Variants in ADGRL2 observed in about 807,000 individuals in gnomAD.
ADGRL2 encodes adhesion G protein-coupled receptor L2.
ADGRL2 carries 44 observed loss-of-function variants against 157.4 expected under a neutral mutation model. The ratio of observed to expected loss-of-function variants is 0.28; its 90% CI spans 0.22 to 0.36. The LOEUF (loss-of-function observed/expected upper bound fraction) is 0.36. Ranked by LOEUF, ADGRL2 falls within the 10% of genes least tolerant of loss-of-function variation. The pLI is 1.00. For synonymous variants in ADGRL2, 585 were observed against 624.7 expected (o/e 0.94, Z 0.95); for missense variants, 1,510 against 1,768.9 (o/e 0.85, Z 2.63).
At chr1:81,388,237 G>C (rs2076472554) in intron 1 of ADGRL2, among the ~76,000 whole-genome samples, 1 of 152,124 alleles carries the variant, frequency 6.6e-6, no homozygotes, top group Admixed American at 6.6e-5. Context: ...ATAGTGCTTT[G>C]TGTGTGTTTT....
At chr1:81,973,824 A>G (rs1659438679) in intron 17 of ADGRL2, among the ~76,000 whole-genome samples, 1 of 152,160 alleles carries the variant, frequency 6.6e-6, no homozygotes. Context: ...TTTGCTTTCT[A>G]ATTTTCCCAA....
chr1:81,894,675 A>G (rs2094342717), intron 2 of ADGRL2, among the ~76,000 whole-genome samples: 1 of 152,118 alleles, frequency 6.6e-6, no homozygotes, highest in African/African-American at 2.4e-5. Flanking sequence ...TTAAAAAAAA[A>G]CTTTGATTGT....
intron 1 of ADGRL2, chr1:81,722,838 T>TC: frequency 8.5e-6 from 6 of 706,860 alleles, no homozygotes; most frequent in Non-Finnish European, 1.5e-5. Context: ...CAGGTGGCTT[T>TC]CCTGGGGGAA....
chr1:81,941,620 G>A (rs1424211396), intron 4 of ADGRL2, among the ~76,000 whole-genome samples: 2 of 151,716 alleles, frequency 1.3e-5, no homozygotes, highest in East Asian at 3.9e-4. Flanking sequence ...TAAGATAAAT[G>A]GGGATGATAT....
chr1:81,874,649 C>T (rs1009390467), intron 2 of ADGRL2, among the ~76,000 whole-genome samples: 2 of 151,424 alleles, frequency 1.3e-5, no homozygotes, highest in Non-Finnish European at 1.5e-5. Context: ...CCTGTCCTGT[C>T]CTGTCCTGTC....
intron 1 of ADGRL2, chr1:81,426,661 C>T (rs1168273028): frequency 8.6e-6 from 4 of 466,364 alleles, no homozygotes; most frequent in Non-Finnish European, 1.7e-5. Context: ...TAATGAGACA[C>T]CCCCAAAGAA....
At chr1:81,333,905 G>A (rs1243092379) in intron 1 of ADGRL2, among the ~76,000 whole-genome samples, 2 of 152,176 alleles carry the variant, frequency 1.3e-5, no homozygotes, top group Admixed American at 6.5e-5. Context: ...ATTGACAAGA[G>A]TATGGTCCCT....
At chr1:81,855,552 T>C (rs1423345558) in intron 2 of ADGRL2, among the ~76,000 whole-genome samples, 1 of 138,772 alleles carries the variant, frequency 7.2e-6, no homozygotes, top group Non-Finnish European at 1.5e-5. Flanking sequence ...CTTTTTCTTT[T>C]TCTTTTTTTT....
At chr1:81,334,064 A>C (rs1661459985) in intron 1 of ADGRL2, among the ~76,000 whole-genome samples, 1 of 152,208 alleles carries the variant, frequency 6.6e-6, no homozygotes. Context: ...AAAACAAATA[A>C]TCCAGTTTAT....
intron 2 of ADGRL2, among the ~76,000 whole-genome samples, chr1:81,874,461 A>G (rs1402271998): frequency 6.6e-6 from 1 of 152,186 alleles, no homozygotes; most frequent in East Asian, 1.9e-4. Flanking sequence ...TTTCCTCTTA[A>G]TGAAATTAGT....
intron 2 of ADGRL2, among the ~76,000 whole-genome samples, chr1:81,461,484 A>G (rs1363620089): frequency 1.3e-5 from 2 of 152,140 alleles, no homozygotes; most frequent in African/African-American, 2.4e-5. Flanking sequence ...AGTTACCTTC[A>G]ATGATTCTAA....
intron 1 of ADGRL2, among the ~76,000 whole-genome samples, chr1:81,367,144 C>G (rs2100957876): frequency 6.6e-6 from 1 of 152,278 alleles, no homozygotes; most frequent in East Asian, 1.9e-4. Context: ...ATATCTTGGT[C>G]AGTGTCACCA....
chr1:81,943,274 A>T lies in ADGRL2; in HGVS notation c.715A>T (p.Arg239Trp). ...GAGGAATATTGTGAAATTTGACTTG[A>T]GGACTAGAATTAAGAGTGGCGAGGC... ...RTRNIVKFDL[R>W]TRIKSGEAII... Residue 239 changes from arginine (R) to tryptophan (W), a missense_variant, in exon 6 of 24, where the codon AGG becomes TGG. Coordinates refer to ENST00000686636, the MANE Select transcript of ADGRL2 (RefSeq NM_001366006.2). This position sits in a 1 kb window ranked among gnomAD's most constrained non-coding sequence, Gnocchi z 5.6. The T allele has an allele frequency of 1.2e-6, 2 of 1,613,642 alleles. No homozygotes were observed. The highest frequency in any genetic ancestry group is 1.7e-6 in the Non-Finnish European group (2 of 1,179,708).
At chr1:81,489,697 T>C (rs2078588475) in intron 2 of ADGRL2, among the ~76,000 whole-genome samples, 1 of 152,128 alleles carries the variant, frequency 6.6e-6, no homozygotes, top group Non-Finnish European at 1.5e-5. Context: ...AGACAGAGAA[T>C]CTTGTAAGCT....
At chr1:81,515,678 A>T (rs2079162751) in intron 2 of ADGRL2, among the ~76,000 whole-genome samples, 1 of 152,180 alleles carries the variant, frequency 6.6e-6, no homozygotes, top group East Asian at 1.9e-4. Context: ...TAACTAAAAG[A>T]AGAAAATATT....
At chr1:81,521,473 A>C (rs1010764000) in intron 2 of ADGRL2, among the ~76,000 whole-genome samples, 8 of 152,140 alleles carry the variant, frequency 5.3e-5, no homozygotes, top group African/African-American at 1.9e-4. Flanking sequence ...ACTTTTCTCT[A>C]TTCTTAAGGC....
intron 2 of ADGRL2, among the ~76,000 whole-genome samples, chr1:81,478,627 T>C (rs527419673): frequency 3.9e-5 from 6 of 152,314 alleles, no homozygotes; most frequent in African/African-American, 1.4e-4. Context: ...CAAGGCTCCT[T>C]CTGGTTTGAT....
At chr1:81,306,632 C>T (rs1162263142) in intron 1 of ADGRL2, 1 of 152,098 alleles carries the variant, frequency 6.6e-6, no homozygotes, top group Non-Finnish European at 1.5e-5. Flanking sequence ...TTCCAGGTGC[C>T]TCACGCTTTT....
At chr1:81,370,101 C>T (rs1290994992) in intron 1 of ADGRL2, among the ~76,000 whole-genome samples, 3 of 151,738 alleles carry the variant, frequency 2.0e-5, no homozygotes, top group Non-Finnish European at 4.4e-5. Context: ...TACAGTGAAA[C>T]AAAGTGGTTT....
Sources: allele counts gnomAD v4.1 joint callset (sites outside exome capture counted in the v4.1 genomes callset), GRCh38; gene constraint gnomAD v4.1.1; non-coding constraint Gnocchi (gnomAD v3.1); transcripts MANE v1.5; gene names NCBI Gene and HGNC (gene_info 2026-07-23, HGNC 2026-07-21).